Variants in GTF3C1 observed in about 807,000 individuals in gnomAD.
The protein encoded by GTF3C1 is general transcription factor 3C polypeptide 1.
Under a neutral mutation model 226.7 loss-of-function variants are expected in GTF3C1, and 57 were observed. That is an observed-to-expected ratio of 0.25 (90% CI 0.20 to 0.31). GTF3C1 has a LOEUF of 0.31. GTF3C1 is among the 10% of genes least tolerant of loss of function. GTF3C1 has a pLI of 1.00. For missense variants in GTF3C1, 2,217 were observed against 2,776.1 expected, an observed-to-expected ratio of 0.80 and a Z score of 4.53; for synonymous variants, 1,090 against 1,084.8, an observed-to-expected ratio of 1.00 and a Z score of -0.09.
chr16:27,512,404 T>C (rs1411612068), intron 6 of GTF3C1, among the ~76,000 whole-genome samples: 1 of 152,174 alleles, frequency 6.6e-6, no homozygotes, highest in Non-Finnish European at 1.5e-5. Flanking sequence ...CTAGAGCATT[T>C]CAAGGGGATT....
chr16:27,511,785 A>T lies in GTF3C1; in HGVS notation c.1090T>A (p.Phe364Ile). Residue 364 changes from phenylalanine (F) to isoleucine (I), a missense_variant, in exon 7 of 37, where the codon TTC becomes ATC. By Grantham distance (21) the Phe-to-Ile change is conservative. Around this residue, in one of 12 missense-constraint regions of GTF3C1, gnomAD observed 163 missense variants for 234.3 expected, o/e 0.70. Coordinates refer to ENST00000356183, the MANE Select transcript of GTF3C1 (RefSeq NM_001520.4). ...SKTVPPVDIV[F>I]ERDMLTQTYD... Reference sequence around the variant, plus strand: ...GTCTGTGTGAGCATATCCCGCTCGAACACAATGTCCACTGGAGGCACTGTC... The same window carrying T: ...GTCTGTGTGAGCATATCCCGCTCGATCACAATGTCCACTGGAGGCACTGTC... 1 of 1,614,196 alleles carries T rather than the reference A, an allele frequency of 6.2e-7. No homozygotes were observed. Among genetic ancestry groups the T allele is most frequent in the South Asian group, 1.1e-5 (1 of 91,084 alleles).
intron 27 of GTF3C1, among the ~76,000 whole-genome samples, chr16:27,479,702 C>T (rs1204765710): frequency 6.6e-6 from 1 of 152,142 alleles, no homozygotes; most frequent in African/African-American, 2.4e-5. Flanking sequence ...TTGCTGACCT[C>T]AGGTGATCCA....
At chr16:27,542,506 A>G (rs1422641715) in intron 2 of GTF3C1, among the ~76,000 whole-genome samples, 2 of 151,856 alleles carry the variant, frequency 1.3e-5, no homozygotes, top group African/African-American at 2.4e-5. Context: ...GGTTGCAGTG[A>G]GCCAAGATTG....
At chr16:27,512,539 C>CA (rs1293727364) in intron 6 of GTF3C1, among the ~76,000 whole-genome samples, 1 of 152,076 alleles carries the variant, frequency 6.6e-6, no homozygotes, top group Non-Finnish European at 1.5e-5. Context: ...ATGCATACTA[C>CA]AAAAAAACCA....
rs1465458148 is a variant in GTF3C1 at position 27,549,870 on chromosome 16, C to A, written c.21G>T (p.Leu7Phe). The A allele has an allele frequency of 6.2e-7, 1 of 1,612,462 alleles. No individual in the cohort carries two copies. The highest frequency in any genetic ancestry group is 1.1e-5 in the South Asian group (1 of 91,066). The change falls in exon 1 of 37, where the codon TTG (leucine) becomes TTT (phenylalanine). Residue 7 changes from leucine (L) to phenylalanine (F), a missense_variant. Leu to Phe is a conservative substitution (Grantham distance 22, BLOSUM62 0). Around this residue, in one of 12 missense-constraint regions of GTF3C1, gnomAD observed 192 missense variants for 251.8 expected, o/e 0.76. Transcript: ENST00000356183. ...GCCCCTCCAGAGCGACTTCGTCCAA[C>A]AACGACTCCAGCGCGTCCATTGCTA... MDALES[L>F]LDEVALEGLD...
chr16:27,473,778 C>T (rs2087911332), intron 29 of GTF3C1, among the ~76,000 whole-genome samples: 1 of 152,330 alleles, frequency 6.6e-6, no homozygotes, highest in African/African-American at 2.4e-5. Context: ...GTGCGCCAGT[C>T]CTGGGCATGC....
At chr16:27,465,685 C>G (rs1347705245) in intron 32 of GTF3C1, 145 bp from the exon 33 acceptor site, 3 of 646,958 alleles carry the variant, frequency 4.6e-6, no homozygotes, top group Non-Finnish European at 8.0e-6. Context: ...GCTGGGTGGA[C>G]ACACTGGGCC....
Position 27,497,749 on chromosome 16 carries a change from A to G in GTF3C1, c.2238T>C (p.Ser746=). ...CACTCAGCTGAGAGTCCCCTGATCCACTTGGGCCCTCTTTTCCTTGACTGT... is the reference window on the plus strand; with the variant it reads ...CACTCAGCTGAGAGTCCCCTGATCCGCTTGGGCCCTCTTTTCCTTGACTGT... ...EEDSQGKEGP[S]GSGDSQLSAS... is the part of the protein sequence containing the mutation. Residue 746 remains serine (S), a synonymous_variant, in exon 14 of 37, where the codon AGT becomes AGC. Transcript: ENST00000356183. 6.2e-7 allele frequency: 1 copy of G among 1,613,910 alleles called. No individual in the cohort carries two copies. Among genetic ancestry groups the G allele is most frequent in the South Asian group, 1.1e-5 (1 of 91,070 alleles).
At chr16:27,473,741 G>A (rs2087910897) in intron 29 of GTF3C1, among the ~76,000 whole-genome samples, 1 of 152,230 alleles carries the variant, frequency 6.6e-6, no homozygotes, top group Non-Finnish European at 1.5e-5. Context: ...TGAAGCCTGT[G>A]CAACTTGCTT....
At chr16:27,472,328 G>A (rs1317207958) in intron 29 of GTF3C1, among the ~76,000 whole-genome samples, 1 of 152,098 alleles carries the variant, frequency 6.6e-6, no homozygotes, top group Non-Finnish European at 1.5e-5. Context: ...CCAATGCATC[G>A]GGTTCGTGCC....
Position 27,488,592 on chromosome 16 carries a change from G to A in GTF3C1, c.3473C>T (p.Thr1158Ile). 4 of 1,614,000 alleles carry A rather than the reference G, an allele frequency of 2.5e-6. No homozygotes were observed. The highest frequency in any genetic ancestry group is 3.4e-6 in the Non-Finnish European group (4 of 1,179,982). The change falls in exon 22 of 37, where the codon ACA becomes ATA. Residue 1158 changes from threonine to isoleucine, a missense_variant. Transcript: ENST00000356183. ...AENGLTVRLQ[T>I]FLSKRPMPLS... ...GGGCATTGGGCGCTTGGACAGAAAT[G>A]TCTGGAGCCTCACTGTGAGTCCATT... is the stretch of plus-strand genomic sequence containing the variant.
chr16:27,536,175 T>G (rs1167494866), intron 4 of GTF3C1, among the ~76,000 whole-genome samples: 1 of 152,226 alleles, frequency 6.6e-6, no homozygotes, highest in Non-Finnish European at 1.5e-5. Context: ...CTAGTTTACT[T>G]TATTGCAATA....
chr16:27,463,046 G>A lies in GTF3C1; in HGVS notation c.5924+495C>T, dbSNP rs928978951. 5.8e-6 allele frequency: 1 copy of A among 171,950 alleles called. No homozygotes were observed. The highest frequency in any genetic ancestry group is 1.2e-5 in the Non-Finnish European group (1 of 81,172). 10.7% of individuals were successfully genotyped at this position (171,950 alleles called of 1,614,324 possible). The stretch of plus-strand genomic sequence containing the variant: ...GCACACCTGAGCTCTTGAAAGCCAG[G>A]ACACAGGGCACTTGGGCCCTGCCAA... On this transcript the variant is annotated intron_variant, in intron 35 of 36. Coordinates refer to ENST00000356183, the MANE Select transcript of GTF3C1 (RefSeq NM_001520.4). This position sits in a 1 kb window ranked among gnomAD's most constrained non-coding sequence, Gnocchi z 4.9.
chr16:27,549,637 C>A, intron 1 of GTF3C1, 33 bp downstream of exon 1: 1 of 876,444 alleles, frequency 1.1e-6, no homozygotes, highest in South Asian at 1.5e-5. Context: ...CTGCGCCCGC[C>A]CGCCCGCCCG....
Position 27,464,773 on chromosome 16 carries a change from C to T in GTF3C1, c.5419G>A (p.Gly1807Ser). ...GGNTARLVAM[G>S]SAWPWLLHSV... The stretch of plus-strand genomic sequence containing the variant: ...TGCAGGAGCCAAGGCCAGGCAGAGC[C>T]CATGGCTACCAGGCGCGCAGTGTTG... Residue 1807 changes from glycine (G) to serine (S), a missense_variant, in exon 34 of 37, where the codon GGC (glycine) becomes AGC (serine). Coordinates refer to ENST00000356183, the MANE Select transcript of GTF3C1 (RefSeq NM_001520.4). 6.4e-7 allele frequency: 1 copy of T among 1,559,672 alleles called. No homozygotes were observed. The highest frequency in any genetic ancestry group is 1.2e-5 in the South Asian group (1 of 84,574).
rs763561857 is a variant in GTF3C1, at chr16:27,538,314, C to T, written c.474G>A (p.Arg158=). 1.9e-6 allele frequency: 3 copies of T among 1,595,786 alleles called. No homozygotes were observed. Among genetic ancestry groups the T allele is most frequent in the South Asian group, 2.2e-5 (2 of 89,160 alleles). Residue 158 remains arginine, a synonymous_variant, in exon 3 of 37, where the codon CGG becomes CGA. Transcript: ENST00000356183. The stretch of plus-strand genomic sequence containing the variant: ...CCTCCTGGCCTATCAAGGCCCTGTA[C>T]CGCATGGCCTGGGAGGCAACGATGA... ...KLIIVASQAM[R]YRALIGQEGD... is the part of the protein sequence containing the mutation.
chr16:27,469,185 C>G lies in GTF3C1; in HGVS notation c.5074+106G>C, dbSNP rs941853308. The G allele has an allele frequency of 3.4e-6, 4 of 1,175,864 alleles. No homozygotes were observed. The Admixed American group carries it at 8.5e-5, about 25-fold the overall frequency. 72.8% of individuals were successfully genotyped at this position (1,175,864 alleles called of 1,614,324 possible). On this transcript the variant is annotated intron_variant, in intron 32 of 36. Transcript: ENST00000356183. The surrounding 1 kb of genome is among the most constrained non-coding windows in gnomAD (Gnocchi z 4.5). Reference sequence around the variant, plus strand: ...TTTTTCTGTGTGTTCTGTGGCTGCACGCCTGGCCTGGGGAGCCTGAAGGTC... The same window carrying G: ...TTTTTCTGTGTGTTCTGTGGCTGCAGGCCTGGCCTGGGGAGCCTGAAGGTC...
chr16:27,513,802 G>A (rs761566122), intron 6 of GTF3C1, among the ~76,000 whole-genome samples: 6 of 152,252 alleles, frequency 3.9e-5, no homozygotes, highest in African/African-American at 1.4e-4. Context: ...TCAGCACATC[G>A]ATGCACAGAA....
chr16:27,544,372 G>A (rs2089133660), intron 2 of GTF3C1, among the ~76,000 whole-genome samples: 1 of 151,696 alleles, frequency 6.6e-6, no homozygotes, highest in Non-Finnish European at 1.5e-5. Flanking sequence ...GCAACAGAGT[G>A]AGACTCTGTC....
Sources: allele counts gnomAD v4.1 joint callset (sites outside exome capture counted in the v4.1 genomes callset), GRCh38; gene constraint gnomAD v4.1.1; regional missense constraint gnomAD v4.1.1; non-coding constraint Gnocchi (gnomAD v3.1); transcripts MANE v1.5; gene names NCBI Gene and HGNC (gene_info 2026-07-23, HGNC 2026-07-21).